CAPN7: variants seen among roughly 807,000 people sequenced by gnomAD.
CAPN7 encodes the protein calpain 7.
A neutral mutation model predicts 115.2 loss-of-function variants in CAPN7; 72 were observed. That is an observed-to-expected ratio of 0.63 (90% CI 0.52 to 0.76). The LOEUF is 0.76. Ranked by LOEUF, CAPN7 falls within the 30% of genes least tolerant of loss-of-function variation. CAPN7 has a pLI of 0.00. For missense variants in CAPN7, 905 were observed against 971.5 expected (o/e 0.93, Z 0.91); for synonymous variants, 344 against 322.3 (o/e 1.07, Z -0.72).
intron 1 of CAPN7, among the ~76,000 whole-genome samples, chr3:15,208,229 A>G (rs1222834574): frequency 4.0e-5 from 6 of 150,666 alleles, no homozygotes; most frequent in Admixed American, 1.3e-4. Flanking sequence ...TTTTTTTACA[A>G]ACTGGTTTAT....
chr3:15,218,983 C>T (rs1266477288), intron 4 of CAPN7, among the ~76,000 whole-genome samples: 1 of 152,182 alleles, frequency 6.6e-6, no homozygotes, highest in African/African-American at 2.4e-5. Context: ...CTGCCCTAAC[C>T]ATTGTTTAAA....
At chr3:15,222,171 G>T (rs1694043211) in intron 5 of CAPN7, among the ~76,000 whole-genome samples, 1 of 151,862 alleles carries the variant, frequency 6.6e-6, no homozygotes, top group South Asian at 2.1e-4. Context: ...CCCCTGTCTA[G>T]CGGGGGTTAT....
At position 15,252,784 on chromosome 3, in the gene CAPN7, T is replaced by C. The variant is rs1324557642; in HGVS notation, c.*1524T>C. The C allele has an allele frequency of 1.4e-5, 2 of 144,978 alleles. No individual in the cohort carries two copies. The highest frequency in any genetic ancestry group is 2.9e-5 in the Non-Finnish European group (2 of 67,996). The allele number at this position is 144,978 out of a possible 1,614,324, so 9.0% of individuals were successfully genotyped here. A position where few individuals can be genotyped will look rare whatever the true frequency, so the allele number is the denominator to read the frequency against. On this transcript the variant is annotated 3_prime_UTR_variant, in exon 21 of 21. Coordinates refer to ENST00000253693, the MANE Select transcript of CAPN7 (RefSeq NM_014296.3). ...AATATAAAAAATTGTATTTGAAGAATTGATACTTTAACTTGGACCTTGAAG... is the reference window on the plus strand; with the variant it reads ...AATATAAAAAATTGTATTTGAAGAACTGATACTTTAACTTGGACCTTGAAG...
intron 12 of CAPN7, among the ~76,000 whole-genome samples, chr3:15,237,013 A>G (rs139797148): frequency 5.1e-4 from 78 of 152,374 alleles, no homozygotes; most frequent in African/African-American, 1.8e-3. Flanking sequence ...AAGCCAGTCA[A>G]ATCATCAGTG....
chr3:15,220,844 G>A lies in CAPN7; in HGVS notation c.501G>A (p.Lys167=). ...PVGKISSTSV[K]PKPPPVRAHF... The stretch of plus-strand genomic sequence containing the variant: ...GCAAAATCAGTTCAACAAGTGTTAA[G>A]CCAAAGCCACCTCCAGTGAGAGCAC... The change falls in exon 5 of 21, where the codon AAG becomes AAA. Residue 167 remains lysine, a synonymous_variant. Coordinates refer to ENST00000253693, the MANE Select transcript of CAPN7 (RefSeq NM_014296.3). 1 of 1,614,168 alleles carries A rather than the reference G, an allele frequency of 6.2e-7. No homozygotes were observed. Among genetic ancestry groups the A allele is most frequent in the African/African-American group, 1.3e-5 (1 of 75,062 alleles).
rs987575685 is a variant in CAPN7, at chr3:15,252,030, G to A, written c.*770G>A. The A allele has an allele frequency of 6.6e-6, 1 of 152,396 alleles. No homozygotes were observed. 9.4% of individuals were successfully genotyped at this position (152,396 alleles called of 1,614,324 possible). On this transcript the variant is annotated 3_prime_UTR_variant, in exon 21 of 21. Coordinates refer to ENST00000253693, the MANE Select transcript of CAPN7 (RefSeq NM_014296.3). ...TGGTCTTTTTTTAAATTGCTGTATC[G>A]TTCAGTCTCTTGTGGCAATAGCACT...
At chr3:15,231,441 T>C (rs946096198) in intron 9 of CAPN7, among the ~76,000 whole-genome samples, 1 of 152,236 alleles carries the variant, frequency 6.6e-6, no homozygotes, top group African/African-American at 2.4e-5. Context: ...ACTATAATTC[T>C]TGACCTCTTG....
intron 1 of CAPN7, 111 bp from the exon 2 acceptor site, chr3:15,211,993 A>C: frequency 2.0e-6 from 1 of 499,582 alleles, no homozygotes; most frequent in Non-Finnish European, 3.5e-6. Flanking sequence ...TAATAATTTA[A>C]AGACATTCTT....
intron 9 of CAPN7, among the ~76,000 whole-genome samples, chr3:15,231,416 GAAT>G (rs1331439788): frequency 6.6e-6 from 1 of 152,090 alleles, no homozygotes; most frequent in Non-Finnish European, 1.5e-5. Context: ...AAATTATTGA[GAAT>G]AATTTTACTG....
At chr3:15,231,654 C>T (rs911137891) in intron 9 of CAPN7, among the ~76,000 whole-genome samples, 2 of 151,882 alleles carry the variant, frequency 1.3e-5, no homozygotes, top group African/African-American at 2.4e-5. Context: ...CTCAGCCTCC[C>T]GAGTAGCTGG....
intron 19 of CAPN7, among the ~76,000 whole-genome samples, chr3:15,249,575 A>C (rs1695877820): frequency 6.6e-6 from 1 of 152,140 alleles, no homozygotes; most frequent in African/African-American, 2.4e-5. Context: ...ATATTTTTAT[A>C]TTTGGTATGA....
Position 15,223,460 on chromosome 3 carries a change from T to TC in CAPN7, c.639-14dup. On this transcript the variant is annotated splice_polypyrimidine_tract_variant and intron_variant, in intron 5 of 20. Coordinates refer to ENST00000253693, the MANE Select transcript of CAPN7 (RefSeq NM_014296.3). ...GTAAACTTGAACATTTAGGTTTTTT[T>TC]CTCGTGTTTGATAGGACAACATCAA... 6.5e-7 allele frequency: 1 copy of TC among 1,540,098 alleles called. No homozygotes were observed. Among genetic ancestry groups the TC allele is most frequent in the Non-Finnish European group, 9.0e-7 (1 of 1,114,126 alleles).
At chr3:15,247,287 A>C (rs959771103) in intron 18 of CAPN7, 40 bp from the exon 19 acceptor site, 5 of 1,423,396 alleles carry the variant, frequency 3.5e-6, no homozygotes, top group African/African-American at 1.5e-5. Flanking sequence ...TGGAATTGGA[A>C]ATGAAATTTT....
intron 1 of CAPN7, 121 bp downstream of exon 1, chr3:15,206,718 C>A: frequency 2.9e-6 from 2 of 693,060 alleles, no homozygotes; most frequent in Non-Finnish European, 4.7e-6. Context: ...TTCCCTCGTC[C>A]GCCTCCCGGC....
At chr3:15,209,124 C>G (rs1452998922) in intron 1 of CAPN7, among the ~76,000 whole-genome samples, 1 of 152,110 alleles carries the variant, frequency 6.6e-6, no homozygotes, top group Non-Finnish European at 1.5e-5. Flanking sequence ...GATTCTCCTG[C>G]CTCAGCCTCC....
intron 6 of CAPN7, among the ~76,000 whole-genome samples, chr3:15,226,474 A>T (rs1227830398): frequency 6.6e-6 from 1 of 152,226 alleles, no homozygotes; most frequent in Non-Finnish European, 1.5e-5. Flanking sequence ...TCTTGGATTT[A>T]TGCTGAAATA....
rs1280306413 is a variant in CAPN7 at position 15,220,893 on chromosome 3, T to C, written c.550T>C (p.Phe184Leu). 3 of 1,614,080 alleles carry C rather than the reference T, an allele frequency of 1.9e-6. No individual in the cohort carries two copies. The African/African-American group carries it at 4.0e-5, about 22-fold the overall frequency. Reference protein sequence around the residue: ...RAHFPLGANPFLERPQSFISP... With the variant: ...RAHFPLGANPLLERPQSFISP... The stretch of plus-strand genomic sequence containing the variant: ...ACATTTTCCACTGGGCGCTAATCCC[T>C]TCCTTGAAAGACCTCAGTCATTTAT... The change falls in exon 5 of 21, where the codon TTC becomes CTC. Residue 184 changes from phenylalanine (F) to leucine (L), a missense_variant. Phe to Leu is a conservative substitution (Grantham distance 22). Transcript: ENST00000253693.
chr3:15,225,551 A>G (rs1403621747), intron 6 of CAPN7, among the ~76,000 whole-genome samples: 1 of 152,246 alleles, frequency 6.6e-6, no homozygotes, highest in Non-Finnish European at 1.5e-5. Context: ...GAAAATGCTC[A>G]TAATATAATT....
chr3:15,220,344 T>A (rs1255144779), intron 4 of CAPN7, among the ~76,000 whole-genome samples: 1 of 152,226 alleles, frequency 6.6e-6, no homozygotes, highest in Non-Finnish European at 1.5e-5. Flanking sequence ...CAAGCATCAG[T>A]TCAGAGCACC....
Sources: gnomAD v4.1 joint callset for allele counts (sites outside exome capture counted in the v4.1 genomes callset) on GRCh38, gnomAD v4.1.1 for gene constraint, MANE v1.5 for transcripts, NCBI Gene and HGNC (gene_info 2026-07-23, HGNC 2026-07-21) for gene names.